STAT5B: variants seen among roughly 807,000 people sequenced by gnomAD.
The protein encoded by STAT5B is transcription factor STAT5B.
STAT5B carries 21 observed loss-of-function variants against 107.8 expected under a neutral mutation model. The ratio of observed to expected loss-of-function variants is 0.19; its 90% CI spans 0.14 to 0.28. The LOEUF is 0.28. Among genes scored for constraint, STAT5B ranks in the 10% least tolerant of loss-of-function variants. The pLI is 1.00. For synonymous variants in STAT5B, 325 were observed against 401.7 expected (o/e 0.81, Z 2.28); for missense variants, 565 against 1,008.2 (o/e 0.56, Z 5.95).
At chr17:42,269,131 T>C (rs1287966005) in intron 1 of STAT5B, among the ~76,000 whole-genome samples, 1 of 152,220 alleles carries the variant, frequency 6.6e-6, no homozygotes, top group Non-Finnish European at 1.5e-5. Flanking sequence ...TGGAGCACAG[T>C]AGTGCGATCT....
chr17:42,229,193 A>G (rs1259500838), intron 2 of STAT5B, among the ~76,000 whole-genome samples: 1 of 152,158 alleles, frequency 6.6e-6, no homozygotes, highest in Non-Finnish European at 1.5e-5. Flanking sequence ...TCTGTCACCC[A>G]GGCTGGGATG....
chr17:42,275,012 A>G (rs1422575643), intron 1 of STAT5B: 1 of 152,224 alleles, frequency 6.6e-6, no homozygotes, highest in African/African-American at 2.4e-5. Flanking sequence ...AGGACACTGC[A>G]GAGAAAATGT....
chr17:42,261,369 C>T (rs1346503956), intron 1 of STAT5B, among the ~76,000 whole-genome samples: 2 of 152,058 alleles, frequency 1.3e-5, no homozygotes, highest in Non-Finnish European at 2.9e-5. Context: ...CAGAAAAACA[C>T]TTATTTACTT....
At chr17:42,279,645 G>A (rs2080787542), upstream of STAT5B, among the ~76,000 whole-genome samples, 1 of 152,042 alleles carries the variant, frequency 6.6e-6, no homozygotes, top group Non-Finnish European at 1.5e-5. Context: ...AAATTAGCTG[G>A]GCATGGTGGT....
At chr17:42,208,195 A>C (rs1301942606) in intron 15 of STAT5B, among the ~76,000 whole-genome samples, 1 of 152,030 alleles carries the variant, frequency 6.6e-6, no homozygotes, top group African/African-American at 2.4e-5. Flanking sequence ...CCCGGCCTGA[A>C]ATAGTTTTAA....
Position 42,202,792 on chromosome 17 carries a change from T to A in STAT5B, c.2094A>T (p.Gly698=). ...CESATAKAVD[G]YVKPQIKQVV... ...CTTGCTTGATCTGTGGCTTCACGTA[T>A]CCATCAACAGCTTTAGCTGCCAAGG... is the stretch of plus-strand genomic sequence containing the variant. Residue 698 remains glycine, a synonymous_variant, in exon 17 of 19, where the codon GGA becomes GGT. Coordinates refer to ENST00000293328, the MANE Select transcript of STAT5B (RefSeq NM_012448.4). 1.2e-6 allele frequency: 2 copies of A among 1,614,192 alleles called. No homozygotes were observed. Among genetic ancestry groups the A allele is most frequent in the Non-Finnish European group, 1.7e-6 (2 of 1,180,038 alleles).
intron 1 of STAT5B, among the ~76,000 whole-genome samples, chr17:42,260,342 C>G (rs1234764477): frequency 6.6e-6 from 1 of 152,106 alleles, no homozygotes; most frequent in Non-Finnish European, 1.5e-5. Context: ...AAGATACACA[C>G]CAGATTTTGA....
upstream of STAT5B, among the ~76,000 whole-genome samples, chr17:42,277,462 T>G (rs2080775050): frequency 6.6e-6 from 1 of 152,084 alleles, no homozygotes; most frequent in Non-Finnish European, 1.5e-5. Context: ...CCAGCGGCCT[T>G]CTCTTCACCT....
chr17:42,244,747 G>T lies in STAT5B; in HGVS notation c.-10-12610C>A, dbSNP rs575516449. On this transcript the variant is annotated intron_variant, in intron 1 of 18. Coordinates refer to ENST00000293328, the MANE Select transcript of STAT5B (RefSeq NM_012448.4). ...AGGCCAATTCCCAGGGATATATACC[G>T]TCGGGACAAACAGAAATAACCAAAA... Among the ~76,000 whole-genome samples the T allele has an allele frequency of 2.6e-5, 4 of 152,088 alleles. No homozygotes were observed. The East Asian group carries it at 7.7e-4, about 29-fold the overall frequency.
chr17:42,265,612 A>T (rs1159323454), intron 1 of STAT5B, among the ~76,000 whole-genome samples: 1 of 151,948 alleles, frequency 6.6e-6, no homozygotes, highest in Non-Finnish European at 1.5e-5. Context: ...TAGCTTCCCA[A>T]AGTGCTGGGA....
At chr17:42,216,205 A>C in intron 11 of STAT5B, 99 bp from the exon 12 acceptor site, 1 of 1,087,650 alleles carries the variant, frequency 9.2e-7, no homozygotes. Context: ...TTTATTTTCC[A>C]AGTTTCAGTT....
At chr17:42,222,124 G>T (rs952154819) in intron 5 of STAT5B, among the ~76,000 whole-genome samples, 25 of 141,890 alleles carry the variant, frequency 1.8e-4, no homozygotes, top group African/African-American at 5.2e-4. Flanking sequence ...TGCTGTGGGG[G>T]GTGTGTGTGC....
At chr17:42,255,571 G>A (rs1440660489) in intron 1 of STAT5B, among the ~76,000 whole-genome samples, 1 of 152,238 alleles carries the variant, frequency 6.6e-6, no homozygotes, top group Non-Finnish European at 1.5e-5. Flanking sequence ...GATAGTGTAT[G>A]ATTCCACTGA....
chr17:42,268,869 A>G (rs1201570349), intron 1 of STAT5B, among the ~76,000 whole-genome samples: 1 of 152,250 alleles, frequency 6.6e-6, no homozygotes, highest in Admixed American at 6.5e-5. Flanking sequence ...ACCTATTTAA[A>G]TATACTGTAG....
chr17:42,269,784 C>T (rs929726819), intron 1 of STAT5B: 5 of 151,168 alleles, frequency 3.3e-5, no homozygotes, highest in African/African-American at 1.2e-4. Context: ...GACTTAACTT[C>T]ACAATCCACT....
At chr17:42,210,655 T>C (rs1395881310) in intron 13 of STAT5B, 158 bp from the exon 14 acceptor site, 2 of 725,426 alleles carry the variant, frequency 2.8e-6, no homozygotes, top group African/African-American at 1.8e-5. Context: ...AATGGCCCCA[T>C]GGAGAGGAAA....
Position 42,224,875 on chromosome 17 carries a change from G to A in STAT5B, c.286-7C>T, listed in dbSNP as rs776638959. ...GGCAGCGGTCATACGTGTTCTGAAA[G>A]AATCCAACAGCAGACATCACTTTGT... On this transcript the variant is annotated splice_region_variant and splice_polypyrimidine_tract_variant and intron_variant, in intron 3 of 18. Coordinates refer to ENST00000293328, the MANE Select transcript of STAT5B (RefSeq NM_012448.4). The A allele has an allele frequency of 6.2e-7, 1 of 1,613,340 alleles. No homozygotes were observed. The highest frequency in any genetic ancestry group is 2.2e-5 in the East Asian group (1 of 44,836).
intron 1 of STAT5B, among the ~76,000 whole-genome samples, chr17:42,268,211 AT>A (rs1312773318): frequency 1.3e-5 from 2 of 152,104 alleles, no homozygotes; most frequent in Non-Finnish European, 2.9e-5. Flanking sequence ...TAGATGTACC[AT>A]TTTTTATCCT....
At chr17:42,214,337 G>A in intron 12 of STAT5B, 4 of 985,334 alleles carry the variant, frequency 4.1e-6, no homozygotes, top group Non-Finnish European at 3.6e-6. Flanking sequence ...TTATCTAGGA[G>A]GCTTATCAGG....
Sources: allele counts gnomAD v4.1 joint callset (sites outside exome capture counted in the v4.1 genomes callset), GRCh38; gene constraint gnomAD v4.1.1; transcripts MANE v1.5; gene names NCBI Gene and HGNC (gene_info 2026-07-23, HGNC 2026-07-21).